The following C7 variants were observed in gnomAD, a reference collection of about 807,000 sequenced individuals.
C7 encodes the protein complement C7, also known as complement component C7.
C7 carries 83 observed loss-of-function variants against 104.8 expected under a neutral mutation model. That is an observed-to-expected ratio of 0.79 (90% CI 0.66 to 0.95). The LOEUF is 0.95. Ranked by LOEUF, C7 falls within the 40% of genes least tolerant of loss-of-function variation. The probability of loss-of-function intolerance (pLI) is 0.00; values close to 1 mark genes in which losing one functional copy is unlikely to be tolerated. For missense variants in C7, 1,070 were observed against 1,011.2 expected (o/e 1.06, Z -0.79); for synonymous variants, 415 against 360.6 (o/e 1.15, Z -1.71).
Position 40,962,108 on chromosome 5 carries a change from C to T in C7, c.1685C>T (p.Pro562Leu). The T allele has an allele frequency of 6.4e-7, 1 of 1,552,418 alleles. No homozygotes were observed. Among genetic ancestry groups the T allele is most frequent in the South Asian group, 1.3e-5 (1 of 79,952 alleles). Residue 562 changes from proline (P) to leucine (L), a missense_variant, in exon 13 of 18, where the codon CCT becomes CTT. Transcript: ENST00000313164. ...HLRLLEPHCF[P>L]LSLVPTEFCP... ...AGGTTGCTTGAACCACATTGCTTTC[C>T]TTTGTCTTTGGTTCCAACAGAATTC... is the stretch of plus-strand genomic sequence containing the variant.
At chr5:40,948,583 G>C (rs753559798) in intron 8 of C7, among the ~76,000 whole-genome samples, 6 of 152,156 alleles carry the variant, frequency 3.9e-5, no homozygotes, top group Non-Finnish European at 7.3e-5. Flanking sequence ...ACATACCCCT[G>C]AATTAATGCT....
chr5:40,923,581 A>T (rs939255564), intron 1 of C7, among the ~76,000 whole-genome samples: 2 of 152,166 alleles, frequency 1.3e-5, no homozygotes, highest in Non-Finnish European at 2.9e-5. Context: ...CCCTGTCTCT[A>T]CTAAAAATAC....
At chr5:40,925,909 C>T (rs750027893) in intron 1 of C7, among the ~76,000 whole-genome samples, 4 of 152,166 alleles carry the variant, frequency 2.6e-5, no homozygotes, top group Non-Finnish European at 4.4e-5. Context: ...ATTCTTTTTA[C>T]AAGGCCAGTG....
At position 40,976,790 on chromosome 5, in the gene C7, G is replaced by A; in HGVS notation, c.2115G>A (p.Trp705Ter). Reference sequence around the variant, plus strand: ...AGGCAGTGCCTAAATGTCAGCGCTGGGAGAAACTGCAGAATTCAAGATGTG... The same window carrying A: ...AGGCAGTGCCTAAATGTCAGCGCTGAGAGAAACTGCAGAATTCAAGATGTG... ...LTQAVPKCQRWEKLQNSRCVC... is the reference protein window; with the variant it reads ...LTQAVPKCQR Residue 705 changes from tryptophan (W) to a stop codon, truncating the protein, a stop_gained, in exon 16 of 18, where the codon TGG (tryptophan) becomes TGA (stop). Transcript: ENST00000313164. LOFTEE classifies it high-confidence loss of function. 1.2e-6 allele frequency: 2 copies of A among 1,606,924 alleles called. No homozygotes were observed. The highest frequency in any genetic ancestry group is 1.7e-6 in the Non-Finnish European group (2 of 1,176,474).
At chr5:40,972,791 G>C (rs1438293328) in intron 15 of C7, among the ~76,000 whole-genome samples, 197 bp downstream of exon 15, 1 of 152,186 alleles carries the variant, frequency 6.6e-6, no homozygotes, top group African/African-American at 2.4e-5. Flanking sequence ...GCAAGGAAAG[G>C]CAAGGATAGC....
chr5:40,963,960 G>A (rs747505363), intron 13 of C7, among the ~76,000 whole-genome samples: 1 of 148,360 alleles, frequency 6.7e-6, no homozygotes, highest in Non-Finnish European at 1.5e-5. Context: ...AAATTTCTGG[G>A]TGTTCATACT....
At position 40,934,317 on chromosome 5, in the gene C7, G is replaced by A. The variant is rs773462873; in HGVS notation, c.139-8G>A. ...AAACAAACAAACCACTGCCTGCTTTGTGTTTAGACTCGCAGGCGGTCAGTT... is the reference window on the plus strand; with the variant it reads ...AAACAAACAAACCACTGCCTGCTTTATGTTTAGACTCGCAGGCGGTCAGTT... On this transcript the variant is annotated splice_polypyrimidine_tract_variant and splice_region_variant and intron_variant, in intron 3 of 17. Transcript: ENST00000313164. 6.3e-7 allele frequency: 1 copy of A among 1,581,216 alleles called. No individual in the cohort carries two copies. The highest frequency in any genetic ancestry group is 8.6e-7 in the Non-Finnish European group (1 of 1,161,480).
intron 9 of C7, 65 bp from the exon 10 acceptor site, chr5:40,955,322 C>A (rs892235500): frequency 1.3e-6 from 2 of 1,494,000 alleles, no homozygotes; most frequent in Admixed American, 2.3e-5. Flanking sequence ...GGATGTCATA[C>A]AATTTGATAG....
At chr5:40,913,521 G>A (rs1739255595) in intron 1 of C7, among the ~76,000 whole-genome samples, 1 of 152,054 alleles carries the variant, frequency 6.6e-6, no homozygotes, top group African/African-American at 2.4e-5. Context: ...GAGAGATGGT[G>A]TCTTGCTCTG....
rs1219149112 is a variant in C7, at chr5:40,982,063, A to C, written c.*490A>C. 6.5e-6 allele frequency: 1 copy of C among 152,830 alleles called. No homozygotes were observed. Among genetic ancestry groups the C allele is most frequent in the Non-Finnish European group, 1.5e-5 (1 of 68,400 alleles). The allele number at this position is 152,830 out of a possible 1,614,324, so 9.5% of individuals were successfully genotyped here. On this transcript the variant is annotated 3_prime_UTR_variant, in exon 18 of 18. Transcript: ENST00000313164. ...TAAAGAGGACTTGAACAAAAATGAC[A>C]GATACAAACTATTTCTATCCTGAGT...
At chr5:40,933,940 CTT>C (rs200031049) in intron 3 of C7, among the ~76,000 whole-genome samples, 6 of 142,654 alleles carry the variant, frequency 4.2e-5, no homozygotes, top group African/African-American at 2.6e-5. Context: ...TTTTTCTTTT[CTT>C]TTTTTTTTTT....
chr5:40,977,075 G>A (rs964233318), intron 16 of C7, among the ~76,000 whole-genome samples: 16 of 152,160 alleles, frequency 1.1e-4, no homozygotes, highest in Admixed American at 1.3e-4. Context: ...AGGACTACTC[G>A]AGCACTGCTT....
chr5:40,928,625 A>C lies in C7; in HGVS notation c.52A>C (p.Ser18Arg). Residue 18 changes from serine (S) to arginine (R), a missense_variant, in exon 2 of 18, where the codon AGT becomes CGT. Transcript: ENST00000313164. ...ILVGFIGEFQ[S>R]FSSASSPVNC... ...GGTGGGATTTATAGGAGAGTTCCAA[A>C]GTTTTTCAAGGTGAGGACTTTTTGG... The C allele has an allele frequency of 1.3e-6, 2 of 1,550,040 alleles. No homozygotes were observed. Among genetic ancestry groups the C allele is most frequent in the Non-Finnish European group, 1.7e-6 (2 of 1,143,010 alleles).
intron 5 of C7, 117 bp from the exon 6 acceptor site, chr5:40,937,435 T>A: frequency 2.1e-6 from 2 of 949,770 alleles, no homozygotes; most frequent in South Asian, 3.8e-5. Context: ...AGTGTTTAAG[T>A]GTAATGCATT....
chr5:40,973,962 C>T (rs1740754605), intron 15 of C7, among the ~76,000 whole-genome samples: 1 of 152,094 alleles, frequency 6.6e-6, no homozygotes, highest in South Asian at 2.1e-4. Flanking sequence ...ACTTCTAAGC[C>T]TATAACAAAC....
At chr5:40,944,877 T>C (rs531570876) in intron 6 of C7, among the ~76,000 whole-genome samples, 1 of 152,366 alleles carries the variant, frequency 6.6e-6, no homozygotes, top group South Asian at 2.1e-4. Flanking sequence ...TCTAGTTCTC[T>C]GTCAGTGTAG....
At chr5:40,920,498 G>A (rs188898921) in intron 1 of C7, among the ~76,000 whole-genome samples, 6 of 142,798 alleles carry the variant, frequency 4.2e-5, no homozygotes, top group Admixed American at 3.5e-4. Context: ...TACCAATAAT[G>A]AGTAAAAAGA....
chr5:40,953,915 G>C (rs945958539), intron 9 of C7, among the ~76,000 whole-genome samples: 4 of 38,906 alleles, frequency 1.0e-4, no homozygotes, highest in Non-Finnish European at 3.5e-4. Flanking sequence ...AACCTGTCAG[G>C]CTTTAATGAT....
chr5:40,945,737 G>A (rs1409196412), intron 7 of C7, among the ~76,000 whole-genome samples: 1 of 151,558 alleles, frequency 6.6e-6, no homozygotes, highest in East Asian at 1.9e-4. Flanking sequence ...GGTGGTGCAT[G>A]CCTATAGTCC....
Sources: gnomAD v4.1 joint callset for allele counts (sites outside exome capture counted in the v4.1 genomes callset) on GRCh38, gnomAD v4.1.1 for gene constraint, MANE v1.5 for transcripts, NCBI Gene and HGNC (gene_info 2026-07-23, HGNC 2026-07-21) for gene names.